Variants in UBA52 observed in about 807,000 individuals in gnomAD.
The protein encoded by UBA52 is ubiquitin-ribosomal protein eL40 fusion protein.
Under a neutral mutation model 15.3 loss-of-function variants are expected in UBA52, and 1 was observed. The observed-to-expected ratio is 0.07, with a 90% CI of 0.02 to 0.31. The LOEUF (loss-of-function observed/expected upper bound fraction) is 0.31. Among genes scored for constraint, UBA52 ranks in the 10% least tolerant of loss-of-function variants. The pLI, the probability that UBA52 is intolerant of heterozygous loss-of-function variation, is 1.00. For missense variants in UBA52, 87 were observed against 168.0 expected (o/e 0.52, Z 2.66); for synonymous variants, 50 against 58.3 (o/e 0.86, Z 0.65).
At chr19:18,571,177 T>A (rs1975465720), upstream of UBA52, among the ~76,000 whole-genome samples, 1 of 151,576 alleles carries the variant, frequency 6.6e-6, no homozygotes, top group Middle Eastern at 3.4e-3. Context: ...AGGCATGGTG[T>A]CGCACACTTG....
chr19:18,569,252 T>C (rs1975403721), upstream of UBA52: 2 of 152,954 alleles, frequency 1.3e-5, no homozygotes, highest in Non-Finnish European at 2.9e-5. Context: ...CAGGCCTCTC[T>C]GAAGGCCTCC....
At chr19:18,565,186 T>C in the UBA52 span, 2 of 1,413,126 alleles carry the variant, frequency 1.4e-6, no homozygotes, top group Non-Finnish European at 1.8e-6. Context: ...GGATAAAATC[T>C]TGACGTAAGT....
chr19:18,574,795 C>G, intron 3 of UBA52, 75 bp from the exon 4 acceptor site: 1 of 1,571,004 alleles, frequency 6.4e-7, no homozygotes, highest in Non-Finnish European at 8.6e-7. Context: ...GACTATAGGC[C>G]CTGGAGGGTC....
At chr19:18,567,284 TG>T (rs756591875), upstream of UBA52, 14 of 1,155,844 alleles carry the variant, frequency 1.2e-5, no homozygotes, top group South Asian at 1.8e-4. Context: ...CAGGCTGTAA[TG>T]GGCAGTGGGT....
upstream of UBA52, chr19:18,568,665 G>A (rs148856120): frequency 1.1e-3 from 1,640 of 1,530,824 alleles, 16 homozygotes; most frequent in African/African-American, 0.02. Context: ...GGGTCTCAGG[G>A]CAGCAGCATA....
upstream of UBA52, among the ~76,000 whole-genome samples, chr19:18,567,716 C>A (rs1370859257): frequency 6.6e-6 from 1 of 152,220 alleles, no homozygotes; most frequent in African/African-American, 2.4e-5. Context: ...TTAAAGGGCT[C>A]TGCAGGCTGA....
At position 18,576,974 on chromosome 19, in the gene UBA52, C is replaced by CA. The variant is rs1196785327; in HGVS notation, c.*1825dup. The CA allele has an allele frequency of 1.1e-5, 1 of 88,182 alleles. No homozygotes were observed. Among genetic ancestry groups the CA allele is most frequent in the African/African-American group, 3.5e-5 (1 of 28,682 alleles). 5.5% of individuals were successfully genotyped at this position (88,182 alleles called of 1,614,324 possible). On this transcript the variant is annotated 3_prime_UTR_variant, in exon 5 of 5. Coordinates refer to ENST00000442744, the MANE Select transcript of UBA52 (RefSeq NM_001033930.3). ...TAAGCCACAGCGCCTGGCCTTGCTA[C>CA]ATTTTTTTTTTTTTTTTTTTTTTTA...
At chr19:18,568,363 C>A, upstream of UBA52, 1 of 1,489,630 alleles carries the variant, frequency 6.7e-7, no homozygotes, top group Non-Finnish European at 9.3e-7. Flanking sequence ...CAGAGCTTGG[C>A]AAGGTGACAA....
At position 18,576,781 on chromosome 19, in the gene UBA52, C is replaced by T. The variant is rs528429814; in HGVS notation, c.*1631C>T. The T allele has an allele frequency of 1.1e-4, 17 of 151,560 alleles. No individual in the cohort carries two copies. The highest frequency in any genetic ancestry group is 4.1e-4 in the African/African-American group (17 of 41,258). 9.4% of individuals were successfully genotyped at this position (151,560 alleles called of 1,614,324 possible). On this transcript the variant is annotated 3_prime_UTR_variant, in exon 5 of 5. Transcript: ENST00000442744. ...GGTTCAAGCGATTCTCCTTTCTCAGCCTCTTGAGTAGCTGGAATTACCAGT... is the reference window on the plus strand; with the variant it reads ...GGTTCAAGCGATTCTCCTTTCTCAGTCTCTTGAGTAGCTGGAATTACCAGT...
chr19:18,568,288 C>T (rs994452362), upstream of UBA52: 4 of 676,210 alleles, frequency 5.9e-6, no homozygotes, highest in South Asian at 1.8e-5. Context: ...AAAAAAGGGT[C>T]AAGTCATACC....
At chr19:18,565,201 T>C in the UBA52 span, 1 of 1,396,910 alleles carries the variant, frequency 7.2e-7, no homozygotes, top group East Asian at 2.5e-5. Flanking sequence ...GTAAGTTTAT[T>C]TACTGATTGA....
Position 18,573,330 on chromosome 19 carries a change from C to T in UBA52, c.30C>T (p.Gly10=). The T allele has an allele frequency of 1.2e-6, 2 of 1,614,166 alleles. No individual in the cohort carries two copies. The highest frequency in any genetic ancestry group is 1.7e-6 in the Non-Finnish European group (2 of 1,180,024). The change falls in exon 2 of 5, where the codon GGC becomes GGT. Residue 10 remains glycine, a synonymous_variant. Coordinates refer to ENST00000442744, the MANE Select transcript of UBA52 (RefSeq NM_001033930.3). The part of the protein sequence containing the change: MQIFVKTLT[G]KTITLEVEPS... Reference sequence around the variant, plus strand: ...AGATCTTTGTGAAGACCCTCACTGGCAAAACCATCACCCTTGAGGTCGAGC... The same window carrying T: ...AGATCTTTGTGAAGACCCTCACTGGTAAAACCATCACCCTTGAGGTCGAGC...
intron 1 of UBA52, chr19:18,572,671 G>T: frequency 1.4e-5 from 6 of 419,672 alleles, no homozygotes; most frequent in Non-Finnish European, 1.9e-5. Context: ...TGTGAACAAT[G>T]CTTGGCAGGT....
Position 18,573,294 on chromosome 19 carries a change from C to T in UBA52, c.-7C>T, listed in dbSNP as rs150652049. 1.7e-5 allele frequency: 27 copies of T among 1,614,044 alleles called. No individual in the cohort carries two copies. The highest frequency in any genetic ancestry group is 1.5e-4 in the African/African-American group (11 of 75,040). Reference sequence around the variant, plus strand: ...ATCCTGCCTCCCTTCCTCCTGCAGACGCAAACATGCAGATCTTTGTGAAGA... The same window carrying T: ...ATCCTGCCTCCCTTCCTCCTGCAGATGCAAACATGCAGATCTTTGTGAAGA... On this transcript the variant is annotated splice_region_variant and 5_prime_UTR_variant, in exon 2 of 5. It adds an upstream start codon to the 5' untranslated region. Transcript: ENST00000442744.
upstream of UBA52, chr19:18,567,176 G>A: frequency 6.2e-7 from 1 of 1,614,170 alleles, no homozygotes; most frequent in Admixed American, 1.7e-5. Context: ...GAGGCCTTCA[G>A]CCGTAAGTGT....
Position 18,575,221 on chromosome 19 carries a change from T to C in UBA52, c.*71T>C, listed in dbSNP as rs1399020205. On this transcript the variant is annotated 3_prime_UTR_variant, in exon 5 of 5. Transcript: ENST00000442744. The stretch of plus-strand genomic sequence containing the variant: ...CCCTGGAGCCTCAATAAAGTGTCCC[T>C]TTCATTGACTGGAGCAGCAATTGGT... 6.4e-7 allele frequency: 1 copy of C among 1,567,590 alleles called. No individual in the cohort carries two copies. The highest frequency in any genetic ancestry group is 1.7e-5 in the Admixed American group (1 of 57,960).
upstream of UBA52, chr19:18,567,092 C>T: frequency 6.2e-7 from 1 of 1,607,888 alleles, no homozygotes; most frequent in Non-Finnish European, 8.5e-7. Context: ...AGCCTACCTG[C>T]TCAGCAGGTT....
At chr19:18,572,955 CA>C in intron 1 of UBA52, 1 of 1,137,174 alleles carries the variant, frequency 8.8e-7, no homozygotes, top group Middle Eastern at 4.1e-4. Flanking sequence ...AAGATGATGC[CA>C]AAGGGTACTT....
the UBA52 span, among the ~76,000 whole-genome samples, chr19:18,565,524 G>T: frequency 6.6e-6 from 1 of 151,366 alleles, no homozygotes; most frequent in African/African-American, 2.4e-5. Context: ...GAGCCACTGC[G>T]CCCGGCCGAG....
Sources: allele counts gnomAD v4.1 joint callset (sites outside exome capture counted in the v4.1 genomes callset), GRCh38; gene constraint gnomAD v4.1.1; transcripts MANE v1.5; gene names NCBI Gene and HGNC (gene_info 2026-07-23, HGNC 2026-07-21).